CEP112: variants seen among roughly 807,000 people sequenced by gnomAD.
The protein encoded by CEP112 is centrosomal protein 112.
A neutral mutation model predicts 153.0 loss-of-function variants in CEP112; 127 were observed. The observed-to-expected ratio is 0.83, with a 90% CI of 0.72 to 0.96. The LOEUF (loss-of-function observed/expected upper bound fraction) is 0.96. Among genes scored for constraint, CEP112 ranks in the 40% least tolerant of loss-of-function variants. The probability of loss-of-function intolerance (pLI) is 0.00; values close to 1 mark genes in which losing one functional copy is unlikely to be tolerated. For synonymous variants in CEP112, 358 were observed against 374.4 expected, an observed-to-expected ratio of 0.96 and a Z score of 0.51; for missense variants, 1,089 against 1,101.2, an observed-to-expected ratio of 0.99 and a Z score of 0.16.
intron 1 of CEP112, among the ~76,000 whole-genome samples, chr17:66,184,451 G>A (rs765649372): frequency 1.3e-5 from 2 of 151,964 alleles, no homozygotes; most frequent in Admixed American, 6.6e-5. Flanking sequence ...AAACTACCCC[G>A]ATAATCAGCA....
At chr17:65,812,032 C>T (rs2055991967) in intron 21 of CEP112, among the ~76,000 whole-genome samples, 1 of 151,456 alleles carries the variant, frequency 6.6e-6, no homozygotes, top group African/African-American at 2.4e-5. Flanking sequence ...GAGATGGAGT[C>T]TCACTCCATT....
chr17:66,167,107 C>T (rs990795192), intron 4 of CEP112, among the ~76,000 whole-genome samples: 3 of 152,144 alleles, frequency 2.0e-5, no homozygotes, highest in African/African-American at 7.2e-5. Context: ...TTCATACTTA[C>T]AATCATAACC....
At chr17:65,963,868 T>A (rs2062314245) in intron 17 of CEP112, among the ~76,000 whole-genome samples, 1 of 152,204 alleles carries the variant, frequency 6.6e-6, no homozygotes, top group Admixed American at 6.5e-5. Context: ...TCCATCTACC[T>A]GAAGGTGACA....
intron 4 of CEP112, among the ~76,000 whole-genome samples, chr17:66,152,308 T>C (rs747318100): frequency 5.3e-5 from 8 of 152,196 alleles, no homozygotes; most frequent in East Asian, 1.9e-4. Context: ...TAGAAAGCTA[T>C]ACCATCATCT....
intron 21 of CEP112, among the ~76,000 whole-genome samples, chr17:65,765,804 G>A (rs2052929909): frequency 6.6e-6 from 1 of 151,966 alleles, no homozygotes; most frequent in African/African-American, 2.4e-5. Context: ...CCAGAAGCAG[G>A]GCCAGCACAC....
At chr17:66,128,924 T>C (rs1001037631) in intron 6 of CEP112, among the ~76,000 whole-genome samples, 1 of 152,214 alleles carries the variant, frequency 6.6e-6, no homozygotes, top group Non-Finnish European at 1.5e-5. Context: ...ATATGTTATA[T>C]AACAAAATGT....
chr17:65,875,361 G>T (rs1598849750), intron 20 of CEP112, among the ~76,000 whole-genome samples: 1 of 152,086 alleles, frequency 6.6e-6, no homozygotes, highest in African/African-American at 2.4e-5. Context: ...AAGTAGTATA[G>T]AAATGCCCTT....
At chr17:65,651,611 G>T (rs1035715196) in intron 24 of CEP112, among the ~76,000 whole-genome samples, 5 of 152,004 alleles carry the variant, frequency 3.3e-5, no homozygotes, top group Admixed American at 1.3e-4. Flanking sequence ...ATTATTTTTT[G>T]ATTTTTTGAT....
chr17:65,976,896 G>T (rs1246764827), intron 17 of CEP112, among the ~76,000 whole-genome samples: 1 of 151,558 alleles, frequency 6.6e-6, no homozygotes, highest in Non-Finnish European at 1.5e-5. Flanking sequence ...GCACCCCCAT[G>T]CCCAGCTAAT....
At chr17:66,095,028 A>G (rs1023248796) in intron 8 of CEP112, among the ~76,000 whole-genome samples, 1 of 152,220 alleles carries the variant, frequency 6.6e-6, no homozygotes, top group Non-Finnish European at 1.5e-5. Flanking sequence ...AGAAAAAAGA[A>G]CCCTTGCCCA....
At chr17:66,094,928 GCTGA>G (rs1434519742) in intron 8 of CEP112, among the ~76,000 whole-genome samples, 1 of 152,062 alleles carries the variant, frequency 6.6e-6, no homozygotes, top group East Asian at 1.9e-4. Context: ...TCAGAGAAAT[GCTGA>G]CTAAAACAAT....
intron 23 of CEP112, among the ~76,000 whole-genome samples, chr17:65,733,518 C>G (rs907521653): frequency 6.6e-6 from 1 of 152,068 alleles, no homozygotes; most frequent in Non-Finnish European, 1.5e-5. Flanking sequence ...AAATGAAGTG[C>G]AATAAAACAA....
chr17:65,956,401 T>TACACACAC (rs1189137970), intron 18 of CEP112, among the ~76,000 whole-genome samples: 3 of 76,658 alleles, frequency 3.9e-5, no homozygotes, highest in African/African-American at 1.2e-4. Flanking sequence ...TATATATACA[T>TACACACAC]ACATACATAC....
At chr17:66,114,474 T>C (rs1380865378) in intron 6 of CEP112, among the ~76,000 whole-genome samples, 3 of 152,168 alleles carry the variant, frequency 2.0e-5, no homozygotes, top group Admixed American at 1.3e-4. Context: ...AAGAAGGACA[T>C]TGTCAAGCAA....
At chr17:66,156,151 C>T (rs1003549500) in intron 4 of CEP112, among the ~76,000 whole-genome samples, 15 of 152,238 alleles carry the variant, frequency 9.9e-5, no homozygotes, top group African/African-American at 3.1e-4. Context: ...TGGCATCTGG[C>T]GGATGCCCCT....
intron 20 of CEP112, among the ~76,000 whole-genome samples, chr17:65,877,033 G>A (rs2058852366): frequency 6.6e-6 from 1 of 152,068 alleles, no homozygotes; most frequent in South Asian, 2.1e-4. Flanking sequence ...GCGATTATCT[G>A]TTCCTATTCA....
chr17:65,681,568 A>T (rs1267812061), intron 24 of CEP112, among the ~76,000 whole-genome samples: 3 of 150,154 alleles, frequency 2.0e-5, no homozygotes, highest in Non-Finnish European at 3.0e-5. Flanking sequence ...TGATAGTGTC[A>T]TTGTCCACTA....
intron 21 of CEP112, among the ~76,000 whole-genome samples, chr17:65,792,058 A>G (rs141717748): frequency 2.6e-5 from 4 of 152,298 alleles, no homozygotes; most frequent in East Asian, 1.9e-4. Context: ...TTCATTTCCA[A>G]TTCACACAAG....
chr17:65,763,533 C>G lies in CEP112; in HGVS notation c.2395-12809G>C, dbSNP rs1259768524. Among the ~76,000 whole-genome samples the G allele has an allele frequency of 4.7e-5, 7 of 150,340 alleles. No homozygotes were observed. In the Admixed American group the frequency reaches 4.7e-4, roughly 10 times the overall value. On this transcript the variant is annotated intron_variant, in intron 21 of 26. Coordinates refer to ENST00000535342, the MANE Select transcript of CEP112 (RefSeq NM_001199165.4). ...CTTTTTTTTTCTCTTTGTTTTACAA[C>G]TTTGGAAGTTTCTACTGAGATATCC...
Sources: gnomAD v4.1 joint callset for allele counts (sites outside exome capture counted in the v4.1 genomes callset) on GRCh38, gnomAD v4.1.1 for gene constraint, MANE v1.5 for transcripts, NCBI Gene and HGNC (gene_info 2026-07-23, HGNC 2026-07-21) for gene names.